The following CDK14 variants were observed in gnomAD, a reference collection of about 807,000 sequenced individuals.
CDK14 encodes the protein cyclin-dependent kinase 14.
A neutral mutation model predicts 60.7 loss-of-function variants in CDK14; 34 were observed. The observed-to-expected ratio is 0.56, with a 90% confidence interval of 0.43 to 0.75. CDK14 has a LOEUF of 0.75. CDK14 is among the 30% of genes least tolerant of loss of function. CDK14 has a pLI of 0.00. For synonymous variants in CDK14, 197 were observed against 203.7 expected, an observed-to-expected ratio of 0.97 and a Z score of 0.28; for missense variants, 482 against 564.1, an observed-to-expected ratio of 0.85 and a Z score of 1.47.
chr7:90,731,398 T>TG (rs1802860854), intron 3 of CDK14, among the ~76,000 whole-genome samples: 2 of 152,236 alleles, frequency 1.3e-5, no homozygotes, highest in African/African-American at 4.8e-5. Flanking sequence ...GATAGCTTGA[T>TG]GGGGATAGCA....
chr7:91,170,271 C>T (rs1021748674), intron 14 of CDK14, among the ~76,000 whole-genome samples: 1 of 152,200 alleles, frequency 6.6e-6, no homozygotes, highest in African/African-American at 2.4e-5. Context: ...GCATATTTCT[C>T]CACAAGATAC....
At chr7:90,931,639 T>C (rs556846890) in intron 8 of CDK14, among the ~76,000 whole-genome samples, 1 of 152,346 alleles carries the variant, frequency 6.6e-6, no homozygotes, top group African/African-American at 2.4e-5. Flanking sequence ...TGTTTTGTCT[T>C]CTTCATAGCT....
intron 2 of CDK14, among the ~76,000 whole-genome samples, chr7:90,642,276 T>G (rs776207369): frequency 1.3e-5 from 2 of 152,258 alleles, no homozygotes; most frequent in Non-Finnish European, 2.9e-5. Context: ...AATACACATG[T>G]GATGAACTGT....
chr7:90,642,988 C>G (rs968966145), intron 2 of CDK14, among the ~76,000 whole-genome samples: 2 of 152,142 alleles, frequency 1.3e-5, no homozygotes, highest in African/African-American at 4.8e-5. Context: ...GGCTTAGTTT[C>G]GCACTCAGAA....
chr7:90,676,191 AATAGT>A (rs1801194618), intron 2 of CDK14, among the ~76,000 whole-genome samples: 1 of 152,234 alleles, frequency 6.6e-6, no homozygotes. Context: ...GTTTAGTCTA[AATAGT>A]ATGTTACATA....
intron 10 of CDK14, among the ~76,000 whole-genome samples, chr7:90,994,215 A>G (rs1372657463): frequency 2.0e-5 from 3 of 152,266 alleles, no homozygotes; most frequent in Middle Eastern, 3.4e-3. Context: ...AGCTCGACTA[A>G]TCAGGGCTGG....
intron 8 of CDK14, among the ~76,000 whole-genome samples, chr7:90,925,418 G>A (rs1211810391): frequency 5.3e-5 from 8 of 152,200 alleles, no homozygotes; most frequent in Admixed American, 5.2e-4. Context: ...TGGAATAACT[G>A]AGGCATAAGC....
At chr7:91,103,883 A>G (rs1322476443) in intron 12 of CDK14, among the ~76,000 whole-genome samples, 1 of 151,992 alleles carries the variant, frequency 6.6e-6, no homozygotes, top group Admixed American at 6.5e-5. Flanking sequence ...TATTGCATGG[A>G]TAAGGACTAG....
At chr7:90,983,548 C>T (rs1795293599) in intron 9 of CDK14, among the ~76,000 whole-genome samples, 1 of 151,964 alleles carries the variant, frequency 6.6e-6, no homozygotes, top group Admixed American at 6.6e-5. Flanking sequence ...GGCATGGTGG[C>T]AGGCACCTGT....
intron 11 of CDK14, among the ~76,000 whole-genome samples, chr7:91,075,317 T>G (rs1391088330): frequency 1.3e-5 from 2 of 152,022 alleles, no homozygotes; most frequent in East Asian, 1.9e-4. Context: ...CTTCAACATA[T>G]GCAAATCAAT....
At chr7:90,676,691 C>T (rs1377598946) in intron 2 of CDK14, among the ~76,000 whole-genome samples, 1 of 151,996 alleles carries the variant, frequency 6.6e-6, no homozygotes, top group East Asian at 1.9e-4. Flanking sequence ...TACTACCACA[C>T]TTGGTTAGTT....
chr7:90,631,549 T>A (rs1799997146), intron 2 of CDK14, among the ~76,000 whole-genome samples: 1 of 152,202 alleles, frequency 6.6e-6, no homozygotes, highest in Non-Finnish European at 1.5e-5. Flanking sequence ...GACAGTTCCA[T>A]GTTTATCTGT....
intron 11 of CDK14, among the ~76,000 whole-genome samples, chr7:91,064,581 G>C (rs73398982): frequency 4.6e-5 from 7 of 152,214 alleles, no homozygotes; most frequent in Non-Finnish European, 1.0e-4. Flanking sequence ...TCTTTGGTAA[G>C]AGTAGACTGG....
At position 90,674,061 on chromosome 7, in the gene CDK14, T is replaced by C. The variant is rs79512434; in HGVS notation, c.124-52506T>C. Among the ~76,000 whole-genome samples the C allele has an allele frequency of 4.7e-4, 72 of 152,364 alleles. 1 individual carries two copies. In the East Asian group the frequency reaches 0.013, roughly 26 times the overall value. ...CGTTTGGGAGCTTAACTAAGTTGTC[T>C]TGGAGACTCTAGTTCTATAGTGAGA... On this transcript the variant is annotated intron_variant, in intron 2 of 14. Coordinates refer to ENST00000380050, the MANE Select transcript of CDK14 (RefSeq NM_001287135.2).
chr7:91,200,877 C>T (rs371499110), intron 14 of CDK14, among the ~76,000 whole-genome samples: 4 of 152,200 alleles, frequency 2.6e-5, no homozygotes, highest in African/African-American at 9.7e-5. Context: ...ATTCATCCAA[C>T]ATGTGACTGG....
chr7:90,609,093 C>T (rs1054827487), intron 2 of CDK14, among the ~76,000 whole-genome samples: 13 of 152,218 alleles, frequency 8.5e-5, no homozygotes, highest in South Asian at 6.2e-4. Flanking sequence ...GTGGTGCCAT[C>T]GCGGCTCACT....
In CDK14 at chr7:90,882,610, A is replaced by G. The variant is rs907168792; in HGVS notation, c.640-16681A>G. 2.6e-5 allele frequency among the ~76,000 whole-genome samples: 4 copies of G among 152,346 alleles called. No homozygotes were observed. In the East Asian group the frequency reaches 5.8e-4, roughly 22 times the overall value. On this transcript the variant is annotated intron_variant, in intron 6 of 14. Coordinates refer to ENST00000380050, the MANE Select transcript of CDK14 (RefSeq NM_001287135.2). ...TCAAGCAGACCTAGTAGATATCTACAGAACTCTCTACCCCAAATCAACAGA... is the reference window on the plus strand; with the variant it reads ...TCAAGCAGACCTAGTAGATATCTACGGAACTCTCTACCCCAAATCAACAGA...
intron 8 of CDK14, among the ~76,000 whole-genome samples, chr7:90,948,225 A>T (rs1179608756): frequency 1.3e-5 from 2 of 152,202 alleles, no homozygotes; most frequent in African/African-American, 4.8e-5. Flanking sequence ...TTATGTTGTC[A>T]TCTAGCATTG....
chr7:90,744,749 G>T (rs1480988405), intron 3 of CDK14, among the ~76,000 whole-genome samples: 1 of 136,930 alleles, frequency 7.3e-6, no homozygotes. Flanking sequence ...CGGACGGGGC[G>T]GCTGGCCGGG....
Sources: allele counts gnomAD v4.1 joint callset (sites outside exome capture counted in the v4.1 genomes callset), GRCh38; gene constraint gnomAD v4.1.1; transcripts MANE v1.5; gene names NCBI Gene and HGNC (gene_info 2026-07-23, HGNC 2026-07-21).